SPATA6: variants seen among roughly 807,000 people sequenced by gnomAD.
SPATA6 encodes spermatogenesis associated 6, also known as spermatogenesis-associated protein 6.
A neutral mutation model predicts 65.3 loss-of-function variants in SPATA6; 56 were observed. The observed-to-expected ratio is 0.86, with a 90% confidence interval of 0.69 to 1.07. The LOEUF is 1.07. Among genes scored for constraint, SPATA6 ranks in the 50% least tolerant of loss-of-function variants. The probability of loss-of-function intolerance (pLI) is 0.00; values close to 1 mark genes in which losing one functional copy is unlikely to be tolerated. For synonymous variants in SPATA6, 199 were observed against 213.2 expected (o/e 0.93, Z 0.58); for missense variants, 590 against 594.8 (o/e 0.99, Z 0.08).
chr1:48,287,928 T>C, the SPATA6 span, among the ~76,000 whole-genome samples: 1 of 152,228 alleles, frequency 6.6e-6, no homozygotes, highest in Non-Finnish European at 1.5e-5. Flanking sequence ...ATTATAATGT[T>C]AGCAGTGGGT....
At chr1:48,368,865 G>A (rs1297018777) in intron 9 of SPATA6, among the ~76,000 whole-genome samples, 1 of 152,164 alleles carries the variant, frequency 6.6e-6, no homozygotes. Flanking sequence ...GAGAAGGAGA[G>A]GCGTGCTGTT....
rs201196704 is a variant in SPATA6 at position 48,460,892 on chromosome 1, G to GT, written c.52-7762dup. Among the ~76,000 whole-genome samples the GT allele has an allele frequency of 1.5e-3, 226 of 146,826 alleles. 1 individual carries two copies. Among genetic ancestry groups the GT allele is most frequent in the Non-Finnish European group, 1.3e-3 (84 of 66,292 alleles). ...TTGAAGAATTATCTAAAAACAATAA[G>GT]TTTTTTTTTTAATGTTAAAAAAAAA... On this transcript the variant is annotated intron_variant, in intron 1 of 12. Transcript: ENST00000371847.
intron 11 of SPATA6, among the ~76,000 whole-genome samples, chr1:48,347,930 T>C (rs1293228413): frequency 1.3e-5 from 2 of 151,984 alleles, no homozygotes; most frequent in Non-Finnish European, 2.9e-5. Context: ...CCCTAGCTAA[T>C]AAATTGCCTC....
rs563461700 is a variant in SPATA6 at position 48,411,585 on chromosome 1, C to G, written c.284G>C (p.Gly95Ala). 1 of 1,580,686 alleles carries G rather than the reference C, an allele frequency of 6.3e-7. No homozygotes were observed. Among genetic ancestry groups the G allele is most frequent in the Admixed American group, 1.8e-5 (1 of 55,170 alleles). Residue 95 changes from glycine to alanine, a missense_variant, in exon 5 of 13, where the codon GGT becomes GCT. Gly to Ala is a moderately conservative substitution (Grantham distance 60). Coordinates refer to ENST00000371847, the MANE Select transcript of SPATA6 (RefSeq NM_019073.4). The part of the protein sequence containing the change: ...FELIQLVPPV[G>A]ETLSTYDENT... The stretch of plus-strand genomic sequence containing the variant: ...TTCGTCATACGTAGACAGTGTTTCA[C>G]CCACTACAAGAAAGATACCCTATGA...
intron 3 of SPATA6, among the ~76,000 whole-genome samples, chr1:48,429,116 A>G (rs1216978308): frequency 1.3e-5 from 2 of 151,440 alleles, no homozygotes; most frequent in Non-Finnish European, 2.9e-5. Flanking sequence ...ACCTGCACAC[A>G]GGTTTGCCAG....
At chr1:48,384,357 A>AGAGGGAGC (rs1649200417) in intron 9 of SPATA6, among the ~76,000 whole-genome samples, 2 of 964 alleles carry the variant, frequency 2.1e-3, no homozygotes, top group African/African-American at 6.1e-3. Flanking sequence ...GGACAGGGAG[A>AGAGGGAGC]GGGAGAGGGA....
intron 11 of SPATA6, among the ~76,000 whole-genome samples, chr1:48,349,501 CTT>C (rs1238137266): frequency 6.6e-6 from 1 of 151,766 alleles, no homozygotes; most frequent in African/African-American, 2.4e-5. Context: ...CAACATCATG[CTT>C]TTTTCTTTTA....
At chr1:48,413,266 G>C in intron 3 of SPATA6, 115 bp from the exon 4 acceptor site, 1 of 319,660 alleles carries the variant, frequency 3.1e-6, no homozygotes, top group Non-Finnish European at 5.7e-6. Flanking sequence ...CTACATATAT[G>C]TTTATATATT....
intron 3 of SPATA6, among the ~76,000 whole-genome samples, chr1:48,416,994 C>G (rs539482208): frequency 2.0e-5 from 3 of 152,236 alleles, no homozygotes; most frequent in Admixed American, 2.0e-4. Flanking sequence ...AAACATCATA[C>G]CAAGTGGTGA....
intron 3 of SPATA6, among the ~76,000 whole-genome samples, chr1:48,443,942 G>A (rs1269444291): frequency 2.6e-5 from 4 of 152,136 alleles, no homozygotes; most frequent in East Asian, 3.9e-4. Flanking sequence ...CCCCTGGACC[G>A]ACCCACTGGC....
At chr1:48,440,504 G>A (rs932915905) in intron 3 of SPATA6, among the ~76,000 whole-genome samples, 3 of 152,180 alleles carry the variant, frequency 2.0e-5, no homozygotes, top group Non-Finnish European at 2.9e-5. Context: ...CTACCAGTCA[G>A]CAACCCATCC....
Position 48,399,675 on chromosome 1 carries a change from C to A in SPATA6, c.487-31G>T. The A allele has an allele frequency of 2.6e-6, 4 of 1,518,912 alleles. No homozygotes were observed. The South Asian group carries it at 5.2e-5, about 20-fold the overall frequency. The allele number at this position is 1,518,912 out of a possible 1,614,324, so 94.1% of individuals were successfully genotyped here. A position where few individuals can be genotyped will look rare whatever the true frequency, so the allele number is the denominator to read the frequency against. On this transcript the variant is annotated intron_variant, in intron 6 of 12. Coordinates refer to ENST00000371847, the MANE Select transcript of SPATA6 (RefSeq NM_019073.4). ...CATAAAAAATAAAAATTAACTTGGT[C>A]AAAGGGGATTTTTAAAATTCCTGTT...
chr1:48,449,451 A>C (rs1160337661), intron 3 of SPATA6, among the ~76,000 whole-genome samples: 2 of 152,234 alleles, frequency 1.3e-5, no homozygotes, highest in African/African-American at 4.8e-5. Context: ...CCAGAATCTA[A>C]TCAAACCTCT....
chr1:48,333,898 A>T (rs1255852392), intron 11 of SPATA6, among the ~76,000 whole-genome samples: 1 of 152,170 alleles, frequency 6.6e-6, no homozygotes, highest in Non-Finnish European at 1.5e-5. Flanking sequence ...CTAGACAAAC[A>T]AGAAAAGAGA....
At chr1:48,452,626 C>T (rs1222431242) in intron 2 of SPATA6, among the ~76,000 whole-genome samples, 2 of 152,114 alleles carry the variant, frequency 1.3e-5, no homozygotes, top group East Asian at 3.9e-4. Context: ...TCAGGTGATC[C>T]ACCCGCCTCG....
intron 10 of SPATA6, 138 bp from the exon 11 acceptor site, chr1:48,355,907 A>T (rs1463033396): frequency 1.8e-6 from 1 of 550,574 alleles, no homozygotes; most frequent in Non-Finnish European, 3.3e-6. Context: ...ATACCTATAT[A>T]TCTGACCATT....
chr1:48,303,768 G>T (rs1368734928), intron 12 of SPATA6, among the ~76,000 whole-genome samples: 1 of 152,052 alleles, frequency 6.6e-6, no homozygotes, highest in Admixed American at 6.6e-5. Context: ...TTTCTTTTAG[G>T]TAGTATAACC....
At chr1:48,433,462 C>G (rs548214788) in intron 3 of SPATA6, among the ~76,000 whole-genome samples, 2 of 152,054 alleles carry the variant, frequency 1.3e-5, no homozygotes, top group Non-Finnish European at 2.9e-5. Flanking sequence ...TATCTTATAG[C>G]TAAAAATAAT....
chr1:48,394,002 A>G (rs903298229), intron 8 of SPATA6, among the ~76,000 whole-genome samples: 3 of 152,144 alleles, frequency 2.0e-5, no homozygotes, highest in Non-Finnish European at 4.4e-5. Context: ...AATTCAGTCC[A>G]TAATAATATC....
Sources: gnomAD v4.1 joint callset for allele counts (sites outside exome capture counted in the v4.1 genomes callset) on GRCh38, gnomAD v4.1.1 for gene constraint, MANE v1.5 for transcripts, NCBI Gene and HGNC (gene_info 2026-07-23, HGNC 2026-07-21) for gene names.